XG: variants seen among roughly 807,000 people sequenced by gnomAD.
XG encodes the protein glycoprotein Xg.
Under a neutral mutation model 25.7 loss-of-function variants are expected in XG, and 24 were observed. The observed-to-expected ratio is 0.93, with a 90% CI of 0.68 to 1.31. The LOEUF (loss-of-function observed/expected upper bound fraction) is 1.31, where lower values mean the gene tolerates loss of function less well. Among genes scored for constraint, XG ranks in the 40% most tolerant of loss-of-function variants. The probability of loss-of-function intolerance (pLI) is 0.00; values close to 1 mark genes in which losing one functional copy is unlikely to be tolerated. For missense variants in XG, 181 were observed against 187.6 expected, an observed-to-expected ratio of 0.96 and a Z score of 0.21; for synonymous variants, 77 against 69.2, an observed-to-expected ratio of 1.11 and a Z score of -0.56.
chrX:2,789,627 CTGT>C lies in XG; in HGVS notation c.191-12_191-10del. ...ATGTCATTATTTTTCTGAAATCATA[CTGT>C]TGTTTTCCAACAGATATCTACCCAA... On this transcript the variant is annotated splice_polypyrimidine_tract_variant and intron_variant, in intron 4 of 10. Transcript: ENST00000644266. The C allele has an allele frequency of 8.8e-7, 1 of 1,131,268 alleles. No individual in the cohort carries two copies. Among genetic ancestry groups the C allele is most frequent in the Non-Finnish European group, 1.2e-6 (1 of 844,049 alleles). The allele number at this position is 1,131,268 out of a possible 1,213,427, so 93.2% of individuals were successfully genotyped here.
At chrX:2,774,635 A>T (rs374104052) in intron 2 of XG, 81 bp from the exon 3 acceptor site, 2 of 1,500,414 alleles carry the variant, frequency 1.3e-6, no homozygotes, top group Non-Finnish European at 9.3e-7. Context: ...TTCACCTTTC[A>T]TCAGGGCGTT....
chrX:2,778,611 A>G (rs1450868438), intron 3 of XG, among the ~76,000 whole-genome samples: 1 of 152,180 alleles, frequency 6.6e-6, no homozygotes, highest in South Asian at 2.1e-4. Context: ...TGAGCAATGC[A>G]TAGGTTCAGA....
intron 1 of XG, among the ~76,000 whole-genome samples, chrX:2,754,318 T>G (rs2050390346): frequency 6.6e-6 from 1 of 152,156 alleles, no homozygotes; most frequent in South Asian, 2.1e-4. Flanking sequence ...CAGGCTGGAC[T>G]TGAACATCTC....
At chrX:2,782,167 T>A (rs2147060256) in intron 4 of XG, 39 bp downstream of exon 4, 1 of 1,187,235 alleles carries the variant, frequency 8.4e-7, no homozygotes, top group East Asian at 3.0e-5. Flanking sequence ...CTCAATCTGG[T>A]TTGATGATGT....
intron 1 of XG, among the ~76,000 whole-genome samples, chrX:2,762,941 G>A (rs1449216252): frequency 1.3e-5 from 2 of 152,200 alleles, no homozygotes; most frequent in Non-Finnish European, 2.9e-5. Flanking sequence ...TGATAAGCAA[G>A]AAGGTGATTG....
intron 1 of XG, among the ~76,000 whole-genome samples, chrX:2,761,817 C>T (rs1305856095): frequency 2.0e-5 from 3 of 152,094 alleles, no homozygotes; most frequent in African/African-American, 4.8e-5. Context: ...CAGGAGGAAC[C>T]GGCCCTGCCC....
chrX:2,759,842 T>C (rs2050524078), intron 1 of XG, among the ~76,000 whole-genome samples: 1 of 152,224 alleles, frequency 6.6e-6, no homozygotes, highest in South Asian at 2.1e-4. Flanking sequence ...ATTCCCCCGA[T>C]GGATCAGGGG....
intron 9 of XG, among the ~76,000 whole-genome samples, chrX:2,810,127 C>T (rs1392039114): frequency 8.9e-6 from 1 of 112,022 alleles, no homozygotes; most frequent in Non-Finnish European, 1.9e-5. Flanking sequence ...TGACAACACT[C>T]TTCCCCCCAG....
Position 2,808,104 on chromosome X carries a change from C to T in XG, c.419-81C>T, listed in dbSNP as rs1438895854. 2.7e-4 allele frequency: 293 copies of T among 1,067,913 alleles called. 3 individuals are homozygous for T. The East Asian group carries it at 8.8e-3, about 32-fold the overall frequency. 88.0% of individuals were successfully genotyped at this position (1,067,913 alleles called of 1,213,427 possible). On this transcript the variant is annotated intron_variant, in intron 8 of 10. Coordinates refer to ENST00000644266, the MANE Select transcript of XG (RefSeq NM_001141919.2). The stretch of plus-strand genomic sequence containing the variant: ...GGGATCTGTGTGCTGTGTTCACAGT[C>T]GCATCCTCAACAGTGCCCGGCAATA...
intron 1 of XG, among the ~76,000 whole-genome samples, chrX:2,755,259 G>A (rs1335516859): frequency 6.6e-6 from 1 of 152,196 alleles, no homozygotes; most frequent in Non-Finnish European, 1.5e-5. Context: ...GCAGCTCTTA[G>A]AGCTACTGCT....
intron 5 of XG, among the ~76,000 whole-genome samples, chrX:2,792,143 A>G (rs1161776819): frequency 6.3e-5 from 7 of 110,975 alleles, no homozygotes; most frequent in African/African-American, 2.3e-4. Flanking sequence ...TTAGCCAGGC[A>G]TGGTGGCATG....
intron 4 of XG, among the ~76,000 whole-genome samples, chrX:2,789,220 G>T (rs2086813466): frequency 9.0e-6 from 1 of 111,704 alleles, no homozygotes; most frequent in Non-Finnish European, 1.9e-5. Flanking sequence ...AACAGAGCAA[G>T]ACTCTGTCTC....
rs1247804781 is a variant in XG at position 2,752,071 on chromosome X, A to G, written c.-204A>G. On this transcript the variant is annotated 5_prime_UTR_variant, in exon 1 of 11. Transcript: ENST00000644266. ...CTGAGTGTGCCTACACTGGTCCCAC[A>G]GGTTTTCAGCTGTGGAGTTTGGGAT... The G allele has an allele frequency of 7.9e-6, 6 of 758,228 alleles. No homozygotes were observed. Among genetic ancestry groups the G allele is most frequent in the Non-Finnish European group, 1.1e-5 (5 of 474,804 alleles). 47.0% of individuals were successfully genotyped at this position (758,228 alleles called of 1,614,324 possible).
chrX:2,792,738 G>C (rs1273331208), intron 5 of XG, among the ~76,000 whole-genome samples: 34 of 108,805 alleles, frequency 3.1e-4, no homozygotes, highest in African/African-American at 1.1e-3. Flanking sequence ...AATGACTCTT[G>C]AACTCCCCAG....
intron 6 of XG, among the ~76,000 whole-genome samples, chrX:2,795,343 A>G (rs2086875028): frequency 9.3e-6 from 1 of 107,567 alleles, no homozygotes; most frequent in African/African-American, 3.3e-5. Flanking sequence ...TGTGTATGTT[A>G]TATAAATATA....
At chrX:2,794,229 A>G (rs1222973554) in intron 5 of XG, among the ~76,000 whole-genome samples, 1 of 111,665 alleles carries the variant, frequency 9.0e-6, no homozygotes, top group Admixed American at 9.5e-5. Context: ...GCAGGCAGAC[A>G]CGACAGCCTG....
At chrX:2,766,360 C>G (rs1285777818) in intron 1 of XG, among the ~76,000 whole-genome samples, 3 of 151,918 alleles carry the variant, frequency 2.0e-5, no homozygotes, top group African/African-American at 4.8e-5. Context: ...AGGATGGTCT[C>G]GATCTCTTGA....
chrX:2,759,490 A>C (rs2050515333), intron 1 of XG, among the ~76,000 whole-genome samples: 1 of 152,172 alleles, frequency 6.6e-6, no homozygotes, highest in African/African-American at 2.4e-5. Context: ...GTCAGAATGC[A>C]CTTGTAGGAT....
At chrX:2,769,517 A>G (rs2535444) in intron 1 of XG, among the ~76,000 whole-genome samples, 72,150 of 151,996 alleles carry the variant, frequency 0.47, 17,355 homozygotes, top group South Asian at 0.65. Context: ...AACTCAATGC[A>G]TAGTAAGTGC....
Sources: gnomAD v4.1 joint callset for allele counts (sites outside exome capture counted in the v4.1 genomes callset) on GRCh38, gnomAD v4.1.1 for gene constraint, MANE v1.5 for transcripts, NCBI Gene and HGNC (gene_info 2026-07-23, HGNC 2026-07-21) for gene names.